Variants in JAZF1 observed in about 807,000 individuals in gnomAD.
The protein encoded by JAZF1 is JAZF zinc finger 1.
A neutral mutation model predicts 26.4 loss-of-function variants in JAZF1; 8 were observed. The observed-to-expected ratio is 0.30, with a 90% CI of 0.18 to 0.55. The LOEUF is 0.55. Among genes scored for constraint, JAZF1 ranks in the 20% least tolerant of loss-of-function variants. The pLI is 0.94. For missense variants in JAZF1, 199 were observed against 322.0 expected (o/e 0.62, Z 2.92); for synonymous variants, 126 against 122.3 (o/e 1.03, Z -0.20).
intron 1 of JAZF1, among the ~76,000 whole-genome samples, chr7:28,034,645 G>A (rs1168638163): frequency 2.0e-5 from 3 of 152,098 alleles, no homozygotes; most frequent in Admixed American, 1.3e-4. Flanking sequence ...AGAAAACAGA[G>A]GCCAAACTGT....
chr7:28,071,412 C>T (rs1234323631), intron 1 of JAZF1, among the ~76,000 whole-genome samples: 2 of 152,188 alleles, frequency 1.3e-5, no homozygotes, highest in East Asian at 1.9e-4. Context: ...ATTCTGAAAA[C>T]CCTGCCTCAA....
chr7:28,136,471 G>A (rs1227969539), intron 1 of JAZF1, among the ~76,000 whole-genome samples: 1 of 152,218 alleles, frequency 6.6e-6, no homozygotes, highest in African/African-American at 2.4e-5. Flanking sequence ...CTCCAACAAG[G>A]ATGAGTCTAG....
chr7:27,969,952 G>A lies in JAZF1; in HGVS notation c.188+21957C>T, dbSNP rs189197625. 5.3e-5 allele frequency among the ~76,000 whole-genome samples: 8 copies of A among 152,324 alleles called. No homozygotes were observed. The East Asian group carries it at 1.2e-3, about 22-fold the overall frequency. On this transcript the variant is annotated intron_variant, in intron 2 of 4. Coordinates refer to ENST00000283928, the MANE Select transcript of JAZF1 (RefSeq NM_175061.4). ...GGATGTACAATAGAAAGATCTCGTA[G>A]TTCAAACCTTGTCTGCCATTTATTA...
At chr7:28,068,741 C>T (rs1352308262) in intron 1 of JAZF1, among the ~76,000 whole-genome samples, 1 of 152,110 alleles carries the variant, frequency 6.6e-6, no homozygotes, top group East Asian at 1.9e-4. Context: ...AAAAAAAAGA[C>T]ACGAGTCACT....
At chr7:28,062,862 G>C (rs1783822401) in intron 1 of JAZF1, among the ~76,000 whole-genome samples, 1 of 152,092 alleles carries the variant, frequency 6.6e-6, no homozygotes, top group African/African-American at 2.4e-5. Context: ...GTTTGACCCA[G>C]ACTGACACTG....
chr7:27,893,711 G>A (rs1272918963), intron 3 of JAZF1, among the ~76,000 whole-genome samples: 1 of 152,166 alleles, frequency 6.6e-6, no homozygotes, highest in African/African-American at 2.4e-5. Context: ...GATTTGATTA[G>A]TGACGGTCTA....
At chr7:27,855,071 C>G (rs770146636) in intron 3 of JAZF1, among the ~76,000 whole-genome samples, 7 of 152,088 alleles carry the variant, frequency 4.6e-5, no homozygotes, top group Non-Finnish European at 8.8e-5. Flanking sequence ...TTTTCATTCT[C>G]TTTTCTCTAA....
At chr7:27,972,137 C>T (rs917602600) in intron 2 of JAZF1, among the ~76,000 whole-genome samples, 6 of 152,204 alleles carry the variant, frequency 3.9e-5, no homozygotes, top group East Asian at 1.9e-4. Flanking sequence ...GACAGGTACT[C>T]AACAAGATAA....
intron 2 of JAZF1, among the ~76,000 whole-genome samples, chr7:27,918,668 T>C (rs1304852663): frequency 1.3e-5 from 2 of 152,124 alleles, no homozygotes; most frequent in Non-Finnish European, 2.9e-5. Flanking sequence ...GAGAGCAGAG[T>C]TGCAAGTAGC....
At chr7:27,934,624 C>T (rs28507096) in intron 2 of JAZF1, among the ~76,000 whole-genome samples, 46,222 of 151,950 alleles carry the variant, frequency 0.3, 7,400 homozygotes, top group Middle Eastern at 0.38. Flanking sequence ...GGGTGGGGGG[C>T]GGAAATCAAT....
intron 2 of JAZF1, among the ~76,000 whole-genome samples, chr7:27,933,304 ACTG>A (rs1349577435): frequency 2.6e-5 from 4 of 152,190 alleles, no homozygotes. Context: ...CTGACCAATA[ACTG>A]CTAAGCAGAG....
chr7:27,882,473 T>A (rs1783791240), intron 3 of JAZF1, among the ~76,000 whole-genome samples: 1 of 152,340 alleles, frequency 6.6e-6, no homozygotes, highest in Non-Finnish European at 1.5e-5. Context: ...GGTTGCAAGG[T>A]GCCAGACATG....
At chr7:28,042,580 A>G (rs978314334) in intron 1 of JAZF1, among the ~76,000 whole-genome samples, 3 of 152,234 alleles carry the variant, frequency 2.0e-5, no homozygotes, top group African/African-American at 2.4e-5. Context: ...ATTGTTTTTA[A>G]AACATTGTTG....
At chr7:28,034,714 C>G (rs1219661178) in intron 1 of JAZF1, among the ~76,000 whole-genome samples, 2 of 152,094 alleles carry the variant, frequency 1.3e-5, no homozygotes, top group Non-Finnish European at 2.9e-5. Context: ...AATCTGAACA[C>G]AAGTCTTTTG....
intron 2 of JAZF1, among the ~76,000 whole-genome samples, chr7:27,984,071 T>C (rs1438694231): frequency 6.6e-6 from 1 of 152,194 alleles, no homozygotes; most frequent in Non-Finnish European, 1.5e-5. Flanking sequence ...GCTAACATCA[T>C]AACGACAGGA....
intron 1 of JAZF1, among the ~76,000 whole-genome samples, chr7:28,152,789 G>A (rs1278939441): frequency 1.3e-5 from 2 of 152,188 alleles, no homozygotes; most frequent in Admixed American, 6.5e-5. Flanking sequence ...CACAGGACAG[G>A]AAAAGGAAGA....
At chr7:27,951,665 T>G (rs1309172697) in intron 2 of JAZF1, among the ~76,000 whole-genome samples, 1 of 152,152 alleles carries the variant, frequency 6.6e-6, no homozygotes, top group Non-Finnish European at 1.5e-5. Flanking sequence ...GTGCTTATAC[T>G]CAACAATTCT....
chr7:28,094,682 C>T (rs978875275), intron 1 of JAZF1, among the ~76,000 whole-genome samples: 12 of 152,300 alleles, frequency 7.9e-5, no homozygotes, highest in African/African-American at 2.9e-4. Context: ...CAAGCAGACC[C>T]GAAGCTTCTC....
intron 1 of JAZF1, among the ~76,000 whole-genome samples, chr7:28,094,703 A>G (rs567016532): frequency 6.6e-6 from 1 of 152,338 alleles, no homozygotes; most frequent in East Asian, 1.9e-4. Flanking sequence ...CTTCCAGGCA[A>G]GAACACCTGC....
Sources: allele counts gnomAD v4.1 joint callset (sites outside exome capture counted in the v4.1 genomes callset), GRCh38; gene constraint gnomAD v4.1.1; transcripts MANE v1.5; gene names NCBI Gene and HGNC (gene_info 2026-07-23, HGNC 2026-07-21).